The following FAM110B variants were observed in gnomAD, a reference collection of about 807,000 sequenced individuals.
The protein encoded by FAM110B is protein FAM110B.
FAM110B carries 6 observed loss-of-function variants against 20.4 expected under a neutral mutation model. The observed-to-expected ratio is 0.29, with a 90% CI of 0.16 to 0.58. The LOEUF (loss-of-function observed/expected upper bound fraction) is 0.58. Ranked by LOEUF, FAM110B falls within the 20% of genes least tolerant of loss-of-function variation. FAM110B has a pLI of 0.90. For missense variants in FAM110B, 434 were observed against 498.2 expected, an observed-to-expected ratio of 0.87 and a Z score of 1.23; for synonymous variants, 226 against 214.1, an observed-to-expected ratio of 1.06 and a Z score of -0.49.
Position 58,062,602 on chromosome 8 carries a change from A to G in FAM110B, c.-413-12933A>G, listed in dbSNP as rs549769098. On this transcript the variant is annotated intron_variant, in intron 2 of 3. Transcript: ENST00000519262. ...TATTTTGTACTGTGGAAGTAAAAAT[A>G]TAGCCAGGATAGGCAGACACACTGA... Among the ~76,000 whole-genome samples the G allele has an allele frequency of 2.0e-5, 3 of 152,354 alleles. No homozygotes were observed. The East Asian group carries it at 5.8e-4, about 29-fold the overall frequency.
In FAM110B at chr8:58,111,410, G is replaced by A. The variant is rs111619343; in HGVS notation, c.-324-34497G>A. ...AGATTCAAAGCAGGAATTGTGAAGT[G>A]GATTATAAATACAAATAATTGTGAG... On this transcript the variant is annotated intron_variant, in intron 3 of 3. Transcript: ENST00000519262. Among the ~76,000 whole-genome samples the A allele has an allele frequency of 5.0e-3, 768 of 152,216 alleles. 8 individuals are homozygous for A. The highest frequency in any genetic ancestry group is 0.017 in the African/African-American group (697 of 41,548).
intron 2 of FAM110B, among the ~76,000 whole-genome samples, chr8:58,065,244 C>G (rs1805737316): frequency 6.6e-6 from 1 of 152,122 alleles, no homozygotes; most frequent in African/African-American, 2.4e-5. Context: ...TTGAATGGGA[C>G]TACTTCAAAT....
chr8:58,091,783 G>A (rs536063990), intron 3 of FAM110B, among the ~76,000 whole-genome samples: 1 of 152,222 alleles, frequency 6.6e-6, no homozygotes, highest in South Asian at 2.1e-4. Context: ...CCCTCCATGT[G>A]GTCTCTGGGT....
intron 3 of FAM110B, among the ~76,000 whole-genome samples, chr8:58,125,864 A>G (rs1205479305): frequency 6.6e-6 from 1 of 152,210 alleles, no homozygotes; most frequent in Admixed American, 6.5e-5. Flanking sequence ...CAGATTCACA[A>G]GAAGTTGCAA....
At chr8:58,136,212 T>G (rs1803610668) in intron 3 of FAM110B, among the ~76,000 whole-genome samples, 1 of 151,884 alleles carries the variant, frequency 6.6e-6, no homozygotes, top group African/African-American at 2.4e-5. Flanking sequence ...GGGTTTCACC[T>G]TGTTGGCCAG....
intron 2 of FAM110B, chr8:58,070,119 T>C (rs1805857415): frequency 1.3e-5 from 2 of 152,356 alleles, no homozygotes; most frequent in South Asian, 2.1e-4. Context: ...TCAGAGAGCA[T>C]GTGCTGGATT....
intron 2 of FAM110B, among the ~76,000 whole-genome samples, chr8:58,041,312 G>T (rs775043148): frequency 6.6e-6 from 1 of 152,108 alleles, no homozygotes; most frequent in African/African-American, 2.4e-5. Flanking sequence ...AACATTAGTC[G>T]CAGTGTTCGT....
At chr8:58,015,958 G>C (rs1804629478) in intron 1 of FAM110B, among the ~76,000 whole-genome samples, 1 of 152,008 alleles carries the variant, frequency 6.6e-6, no homozygotes, top group Admixed American at 6.6e-5. Flanking sequence ...TTAACTCTTG[G>C]AATATTTAAC....
chr8:58,032,937 A>G (rs6993296), intron 2 of FAM110B, among the ~76,000 whole-genome samples: 47,893 of 152,036 alleles, frequency 0.32, 8,623 homozygotes, highest in Non-Finnish European at 0.41. Flanking sequence ...TAAATTCAGG[A>G]GGTGCACGTA....
At chr8:58,098,256 C>T (rs1806683968) in intron 3 of FAM110B, among the ~76,000 whole-genome samples, 1 of 152,226 alleles carries the variant, frequency 6.6e-6, no homozygotes, top group East Asian at 1.9e-4. Flanking sequence ...GAGGAGGAAT[C>T]TAGAGATGCA....
chr8:58,092,860 C>T (rs1806516963), intron 3 of FAM110B, among the ~76,000 whole-genome samples: 1 of 152,198 alleles, frequency 6.6e-6, no homozygotes, highest in African/African-American at 2.4e-5. Flanking sequence ...TACACTCCCA[C>T]CAACAGTGTA....
At chr8:58,013,511 C>T (rs1804580170) in intron 1 of FAM110B, among the ~76,000 whole-genome samples, 4 of 152,110 alleles carry the variant, frequency 2.6e-5, no homozygotes, top group Admixed American at 2.6e-4. Flanking sequence ...GCTGAATCCA[C>T]GAGGGAGAGT....
intron 3 of FAM110B, among the ~76,000 whole-genome samples, chr8:58,136,303 C>T (rs142124117): frequency 6.6e-6 from 1 of 152,164 alleles, no homozygotes; most frequent in East Asian, 1.9e-4. Flanking sequence ...AGCCACCGTG[C>T]CCCGGCCCAG....
At chr8:58,129,120 C>T (rs1267197123) in intron 3 of FAM110B, among the ~76,000 whole-genome samples, 1 of 152,164 alleles carries the variant, frequency 6.6e-6, no homozygotes, top group Non-Finnish European at 1.5e-5. Context: ...TCAACATCTT[C>T]CCTCTAATAG....
chr8:58,109,474 C>T (rs185305215), intron 3 of FAM110B, among the ~76,000 whole-genome samples: 11 of 152,210 alleles, frequency 7.2e-5, no homozygotes, highest in South Asian at 4.1e-4. Context: ...TTTTTATTAG[C>T]GGCACAGAAA....
At chr8:58,110,684 T>C (rs1807036720) in intron 3 of FAM110B, among the ~76,000 whole-genome samples, 1 of 152,228 alleles carries the variant, frequency 6.6e-6, no homozygotes, top group Non-Finnish European at 1.5e-5. Flanking sequence ...GTATTATTGG[T>C]CAACTATTAC....
At position 58,146,878 on chromosome 8, in the gene FAM110B, C is replaced by A; in HGVS notation, c.648C>A (p.Pro216=). The change falls in exon 4 of 4, where the codon CCC becomes CCA. Residue 216 remains proline, a synonymous_variant. Coordinates refer to ENST00000519262, the MANE Select transcript of FAM110B (RefSeq NM_001377989.1). The part of the protein sequence containing the change: ...VTSVKPLKAI[P]CSSSAPPLPP... Reference sequence around the variant, plus strand: ...GCGTGAAGCCCCTCAAGGCCATCCCCTGCAGTAGCTCTGCCCCTCCCCTGC... The same window carrying A: ...GCGTGAAGCCCCTCAAGGCCATCCCATGCAGTAGCTCTGCCCCTCCCCTGC... 6.2e-7 allele frequency: 1 copy of A among 1,614,174 alleles called. No individual in the cohort carries two copies.
chr8:58,139,510 G>T (rs1381577729), intron 3 of FAM110B, among the ~76,000 whole-genome samples: 1 of 152,158 alleles, frequency 6.6e-6, no homozygotes, highest in Non-Finnish European at 1.5e-5. Context: ...TTTTTGGTCA[G>T]CCTTTTACTC....
At chr8:58,120,042 C>T (rs16923069) in intron 3 of FAM110B, among the ~76,000 whole-genome samples, 7,518 of 152,252 alleles carry the variant, frequency 0.049, 312 homozygotes, top group East Asian at 0.2. Context: ...ATCCCAGAAT[C>T]GTGTCCTGGA....
Sources: allele counts gnomAD v4.1 joint callset (sites outside exome capture counted in the v4.1 genomes callset), GRCh38; gene constraint gnomAD v4.1.1; transcripts MANE v1.5; gene names NCBI Gene and HGNC (gene_info 2026-07-23, HGNC 2026-07-21).